The following PNPLA7 variants were observed in gnomAD, a reference collection of about 807,000 sequenced individuals.
PNPLA7 encodes the protein patatin-like phospholipase domain-containing protein 7.
PNPLA7 carries 153 observed loss-of-function variants against 161.7 expected under a neutral mutation model. The observed-to-expected ratio is 0.95, with a 90% CI of 0.83 to 1.08. The LOEUF (loss-of-function observed/expected upper bound fraction) is 1.08. Ranked by LOEUF, PNPLA7 falls within the 50% of genes least tolerant of loss-of-function variation. The probability of loss-of-function intolerance (pLI) is 0.00; values close to 1 mark genes in which losing one functional copy is unlikely to be tolerated. For missense variants in PNPLA7, 1,739 were observed against 1,856.6 expected, an observed-to-expected ratio of 0.94 and a Z score of 1.16; for synonymous variants, 809 against 782.1, an observed-to-expected ratio of 1.03 and a Z score of -0.57.
intron 11 of PNPLA7, 72 bp from the exon 12 acceptor site, chr9:137,515,591 C>A: frequency 1.4e-6 from 2 of 1,449,234 alleles, no homozygotes; most frequent in South Asian, 2.9e-5. Flanking sequence ...CCATTCGGGG[C>A]CACGCAGGGA....
intron 8 of PNPLA7, among the ~76,000 whole-genome samples, chr9:137,530,270 G>C (rs1359609527): frequency 6.6e-6 from 1 of 152,220 alleles, no homozygotes; most frequent in Non-Finnish European, 1.5e-5. Flanking sequence ...TGGCCTTGAA[G>C]TATGAATCTT....
intron 25 of PNPLA7, among the ~76,000 whole-genome samples, chr9:137,474,949 A>C (rs1831873397): frequency 7.9e-6 from 1 of 125,934 alleles, no homozygotes; most frequent in Non-Finnish European, 1.6e-5. Context: ...TGAACCTGGG[A>C]GGCGGAGCTT....
At chr9:137,518,360 C>G (rs1406994925) in intron 11 of PNPLA7, among the ~76,000 whole-genome samples, 4 of 96,628 alleles carry the variant, frequency 4.1e-5, no homozygotes, top group Non-Finnish European at 2.1e-5. Context: ...CCATCCCCCA[C>G]TCACTCATTC....
intron 21 of PNPLA7, among the ~76,000 whole-genome samples, chr9:137,481,726 G>A (rs1588565677): frequency 6.6e-6 from 1 of 152,302 alleles, no homozygotes; most frequent in African/African-American, 2.4e-5. Context: ...ACTTTGGGAG[G>A]CCAAGGGATC....
intron 14 of PNPLA7, among the ~76,000 whole-genome samples, chr9:137,503,520 GAA>G (rs1833627067): frequency 8.1e-6 from 1 of 123,452 alleles, no homozygotes; most frequent in African/African-American, 3.2e-5. Context: ...GGAGGAGGAG[GAA>G]GGAGAAGGAG....
Position 137,514,632 on chromosome 9 carries a change from C to T in PNPLA7, c.1225+747G>A, listed in dbSNP as rs1472255065. Reference sequence around the variant, plus strand: ...GTGCCCGGGCCCTGTGGCTGGGCTGCGGGCGGGTCACCCGGATGTTGAGGT... The same window carrying T: ...GTGCCCGGGCCCTGTGGCTGGGCTGTGGGCGGGTCACCCGGATGTTGAGGT... On this transcript the variant is annotated intron_variant, in intron 12 of 34. Coordinates refer to ENST00000406427, the MANE Select transcript of PNPLA7 (RefSeq NM_001098537.3). Among the ~76,000 whole-genome samples, 243 of 118,846 alleles carry T rather than the reference C, an allele frequency of 2.0e-3. 1 individual carries two copies. Among genetic ancestry groups the T allele is most frequent in the African/African-American group, 7.7e-3 (229 of 29,678 alleles). 78.0% of individuals were successfully genotyped at this position (118,846 alleles called of 152,430 possible). A position where few individuals can be genotyped will look rare whatever the true frequency, so the allele number is the denominator to read the frequency against.
At position 137,495,150 on chromosome 9, in the gene PNPLA7, A is replaced by T; in HGVS notation, c.2014-4T>A. ...CCTGGTGGGTCAGTGTCTCCACCTG[A>T]GGACAGGAGCCGGCTGCTGGGGCCG... On this transcript the variant is annotated splice_polypyrimidine_tract_variant and splice_region_variant and intron_variant, in intron 18 of 34. Transcript: ENST00000406427. 1 of 1,589,570 alleles carries T rather than the reference A, an allele frequency of 6.3e-7. No individual in the cohort carries two copies. Among genetic ancestry groups the T allele is most frequent in the South Asian group, 1.1e-5 (1 of 90,430 alleles).
chr9:137,536,535 C>G (rs189924720), intron 8 of PNPLA7, among the ~76,000 whole-genome samples: 1 of 152,134 alleles, frequency 6.6e-6, no homozygotes, highest in Non-Finnish European at 1.5e-5. Flanking sequence ...GCCGCTGGTT[C>G]AGGTCGTGAA....
chr9:137,547,374 G>T lies in PNPLA7; in HGVS notation c.128C>A (p.Ala43Asp), dbSNP rs147046202. Residue 43 changes from alanine (A) to aspartate (D), a missense_variant, in exon 3 of 35, where the codon GCC becomes GAC. Ala to Asp is a moderately radical substitution (Grantham distance 126). Transcript: ENST00000406427. The surrounding 1 kb of genome is among the most constrained non-coding windows in gnomAD (Gnocchi z 4.6). Reference sequence around the variant, plus strand: ...ACCAACCAAGGCCAGGGCCAGGAGGGCTCCAACTGCAATCCCCGTCAGCTG... The same window carrying T: ...ACCAACCAAGGCCAGGGCCAGGAGGTCTCCAACTGCAATCCCCGTCAGCTG... ...STMLTGIAVG[A>D]LLALALVGVL... 6.4e-5 allele frequency: 104 copies of T among 1,613,428 alleles called. No individual in the cohort carries two copies. The highest frequency in any genetic ancestry group is 8.5e-5 in the Non-Finnish European group (100 of 1,179,996).
At chr9:137,461,100 C>A in intron 33 of PNPLA7, 1 of 344,878 alleles carries the variant, frequency 2.9e-6, no homozygotes, top group Non-Finnish European at 5.5e-6. Context: ...AGACGTCTCC[C>A]AGGAGAATGT....
chr9:137,497,153 G>T, intron 18 of PNPLA7, 34 bp downstream of exon 18: 6 of 1,513,350 alleles, frequency 4.0e-6, no homozygotes, highest in Non-Finnish European at 5.3e-6. Flanking sequence ...GGGATGCAGA[G>T]GTGGGGGAGG....
At chr9:137,548,417 G>A (rs1426347094) in intron 1 of PNPLA7, among the ~76,000 whole-genome samples, 4 of 152,108 alleles carry the variant, frequency 2.6e-5, no homozygotes, top group East Asian at 1.9e-4. Flanking sequence ...ACCCACCCCC[G>A]CCTCACTGCA....
rs78300229 is a variant in PNPLA7 at position 137,479,113 on chromosome 9, GC to G, written c.2705del (p.Gly902AlafsTer45). 1.1e-4 allele frequency: 183 copies of G among 1,599,230 alleles called. No homozygotes were observed. In the African/African-American group the frequency reaches 2.3e-3, roughly 20 times the overall value. ...GGCGCGGGCAGCAGAGGTGCAGGTG[GC>G]CGGAGCACCAGCTCCGCATGTTGAG... ...EWLNMRSWCS[G>X]HLHLCCPRRV... On this transcript the variant is annotated frameshift_variant, in exon 24 of 35. Transcript: ENST00000406427. LOFTEE classifies it high-confidence loss of function.
At chr9:137,484,053 A>T (rs1434157043) in intron 21 of PNPLA7, among the ~76,000 whole-genome samples, 3 of 151,826 alleles carry the variant, frequency 2.0e-5, no homozygotes, top group African/African-American at 7.3e-5. Flanking sequence ...CTCCTGACTC[A>T]GCCTCCCCAG....
chr9:137,464,874 A>G (rs1164258004), intron 26 of PNPLA7: 2 of 210,590 alleles, frequency 9.5e-6, no homozygotes, highest in East Asian at 1.3e-4. Flanking sequence ...AGGGGGACAC[A>G]GTGGATTGCT....
Position 137,460,339 on chromosome 9 carries a change from C to T in PNPLA7, c.*54G>A. The T allele has an allele frequency of 1.1e-5, 17 of 1,551,526 alleles. No homozygotes were observed. Among genetic ancestry groups the T allele is most frequent in the African/African-American group, 1.4e-5 (1 of 73,388 alleles). On this transcript the variant is annotated 3_prime_UTR_variant, in exon 35 of 35. Coordinates refer to ENST00000406427, the MANE Select transcript of PNPLA7 (RefSeq NM_001098537.3). ...CCCTAGGACTTGGCAGGAGCCTCAG[C>T]CTTGGGGACAGTCCCACGGAAGACG...
chr9:137,463,662 C>G, intron 28 of PNPLA7, 131 bp from the exon 29 acceptor site: 1 of 658,796 alleles, frequency 1.5e-6, no homozygotes, highest in South Asian at 1.9e-5. Flanking sequence ...CAGAGGGAAG[C>G]TCATGGCCCA....
chr9:137,466,301 C>T (rs1378907199), intron 26 of PNPLA7, among the ~76,000 whole-genome samples: 2 of 152,126 alleles, frequency 1.3e-5, no homozygotes, highest in Admixed American at 6.5e-5. Context: ...GCCACCTCCA[C>T]CATCTCAGAC....
chr9:137,489,856 C>T (rs1256035826), intron 20 of PNPLA7, among the ~76,000 whole-genome samples: 2 of 152,174 alleles, frequency 1.3e-5, no homozygotes, highest in South Asian at 2.1e-4. Flanking sequence ...CCCCAGAGAC[C>T]TTGGGGACAA....
Sources: allele counts gnomAD v4.1 joint callset (sites outside exome capture counted in the v4.1 genomes callset), GRCh38; gene constraint gnomAD v4.1.1; non-coding constraint Gnocchi (gnomAD v3.1); transcripts MANE v1.5; gene names NCBI Gene and HGNC (gene_info 2026-07-23, HGNC 2026-07-21).